The following ZNF195 variants were observed in gnomAD, a reference collection of about 807,000 sequenced individuals.
The protein encoded by ZNF195 is hypoxia-regulated factor-1.
Under a neutral mutation model 19.5 loss-of-function variants are expected in ZNF195, and 11 were observed. The ratio of observed to expected loss-of-function variants is 0.57; its 90% CI spans 0.36 to 0.94. The LOEUF is 0.94. Among genes scored for constraint, ZNF195 ranks in the 40% least tolerant of loss-of-function variants. ZNF195 has a pLI of 0.01. For synonymous variants in ZNF195, 214 were observed against 248.1 expected, an observed-to-expected ratio of 0.86 and a Z score of 1.29; for missense variants, 582 against 709.0, an observed-to-expected ratio of 0.82 and a Z score of 2.03.
Position 3,370,722 on chromosome 11 carries a change from C to T in ZNF195, c.226+253G>A, listed in dbSNP as rs115666983. On this transcript the variant is annotated intron_variant, in intron 3 of 5. Transcript: ENST00000399602. ...CCATGAGACCACACAGGCCCTTACTCGTCAGGAGGAGGACTCTGATTTTTA... is the reference window on the plus strand; with the variant it reads ...CCATGAGACCACACAGGCCCTTACTTGTCAGGAGGAGGACTCTGATTTTTA... Among the ~76,000 whole-genome samples, 395 of 152,312 alleles carry T rather than the reference C, an allele frequency of 2.6e-3. 2 individuals carry two copies. The highest frequency in any genetic ancestry group is 8.9e-3 in the African/African-American group (369 of 41,556).
At chr11:3,374,520 A>T (rs981711990) in intron 1 of ZNF195, among the ~76,000 whole-genome samples, 1 of 152,242 alleles carries the variant, frequency 6.6e-6, no homozygotes, top group Admixed American at 6.5e-5. Flanking sequence ...TTTGGAAAAC[A>T]ATGTGTACAC....
At position 3,360,016 on chromosome 11, in the gene ZNF195, T is replaced by C. The variant is rs776095965; in HGVS notation, c.992A>G (p.Glu331Gly). ...GCACTGGTTAAATACTTTGCCAAAT[T>C]CTTCACATCTGTAATGTTCCCCTCC... ...YAGGEHYRCEEFGKVFNQCSH... is the reference protein window; with the variant it reads ...YAGGEHYRCEGFGKVFNQCSH... Residue 331 changes from glutamate to glycine, a missense_variant, in exon 6 of 6, where the codon GAA (glutamate) becomes GGA (glycine). Glu to Gly is a moderately conservative substitution (Grantham distance 98). Transcript: ENST00000399602. 6.2e-7 allele frequency: 1 copy of C among 1,614,064 alleles called. No homozygotes were observed. The highest frequency in any genetic ancestry group is 1.1e-5 in the South Asian group (1 of 91,080).
intron 1 of ZNF195, among the ~76,000 whole-genome samples, chr11:3,374,921 A>G (rs1849383706): frequency 6.6e-6 from 1 of 152,234 alleles, no homozygotes; most frequent in Non-Finnish European, 1.5e-5. Flanking sequence ...GTGTTAGTAA[A>G]AAAGAAAAAT....
intron 1 of ZNF195, chr11:3,377,729 C>T: frequency 9.2e-7 from 1 of 1,091,158 alleles, no homozygotes; most frequent in South Asian, 2.4e-5. Context: ...TAACCCAGGG[C>T]CTGAAATTCA....
chr11:3,367,933 C>T (rs956384855), intron 3 of ZNF195, among the ~76,000 whole-genome samples: 6 of 151,820 alleles, frequency 4.0e-5, no homozygotes, highest in Non-Finnish European at 7.4e-5. Flanking sequence ...ATTAGCCAGG[C>T]GTGGTGGTGC....
At chr11:3,366,105 A>C (rs1232693267) in intron 3 of ZNF195, among the ~76,000 whole-genome samples, 1 of 150,888 alleles carries the variant, frequency 6.6e-6, no homozygotes, top group Admixed American at 6.6e-5. Context: ...AAAAAAAAAA[A>C]TACAAAAAAT....
intron 4 of ZNF195, 83 bp downstream of exon 4, chr11:3,361,660 T>C (rs1324169956): frequency 8.5e-7 from 1 of 1,181,100 alleles, no homozygotes; most frequent in Non-Finnish European, 1.1e-6. Flanking sequence ...AGACACATTA[T>C]AACCACAGTT....
Position 3,358,933 on chromosome 11 carries a change from A to C in ZNF195, c.*185T>G. On this transcript the variant is annotated 3_prime_UTR_variant, in exon 6 of 6. Coordinates refer to ENST00000399602, the MANE Select transcript of ZNF195 (RefSeq NM_001130520.3). ...AGCAACTGATGCAAGTCTTCCATCT[A>C]GTATAATTGTAACATTTTTTTCAGA... is the stretch of plus-strand genomic sequence containing the variant. The C allele has an allele frequency of 1.3e-6, 1 of 758,630 alleles. No homozygotes were observed. The allele number at this position is 758,630 out of a possible 1,614,324, so 47.0% of individuals were successfully genotyped here. A position where few individuals can be genotyped will look rare whatever the true frequency, so the allele number is the denominator to read the frequency against.
At chr11:3,376,095 G>GCAA (rs1163163151) in intron 1 of ZNF195, among the ~76,000 whole-genome samples, 109 of 152,240 alleles carry the variant, frequency 7.2e-4, no homozygotes, top group Non-Finnish European at 1.2e-3. Flanking sequence ...TCCATACCCA[G>GCAA]GAAGTCCTCC....
In ZNF195 at chr11:3,360,503, T is replaced by C. The variant is rs771552346; in HGVS notation, c.505A>G (p.Lys169Glu). Residue 169 changes from lysine (K) to glutamate (E), a missense_variant, in exon 6 of 6, where the codon AAA (lysine) becomes GAA (glutamate). Physicochemically the swap from Lys to Glu is moderately conservative, Grantham distance 56 (BLOSUM62 1). Around this residue, in one of 3 missense-constraint regions of ZNF195, gnomAD observed 129 missense variants for 112.1 expected, o/e 1.15. Transcript: ENST00000399602. ...TTTCCATATCCTCTCAGTATTCTTT[T>C]TGGGAATGCATCTTGTATGCCCTGC... ...PEQGIQDAFP[K>E]RILRGYGNCG... 6.2e-6 allele frequency: 10 copies of C among 1,609,216 alleles called. No individual in the cohort carries two copies. The Admixed American group carries it at 1.3e-4, about 22-fold the overall frequency.
rs62619253 is a variant in ZNF195, at chr11:3,360,139, G to C, written c.869C>G (p.Pro290Arg). 0.14 allele frequency: 227,611 copies of C among 1,613,722 alleles called. 19,811 individuals are homozygous for C. The highest frequency in any genetic ancestry group is 0.46 in the East Asian group (20,430 of 44,846). The change falls in exon 6 of 6, where the codon CCT becomes CGT. Residue 290 changes from proline (P) to arginine (R), a missense_variant. Coordinates refer to ENST00000399602, the MANE Select transcript of ZNF195 (RefSeq NM_001130520.3). ...TTTCTCTCCAGTGTCAATGTTCTCA[G>C]GTTCAGTAAAGTGTGAGCACTGGAT... ...TFIQCSHFTE[P>R]ENIDTGEKPY...
At chr11:3,376,749 A>T (rs1330867399) in intron 1 of ZNF195, among the ~76,000 whole-genome samples, 1 of 152,246 alleles carries the variant, frequency 6.6e-6, no homozygotes, top group Non-Finnish European at 1.5e-5. Context: ...TCACATGTGA[A>T]CACTTTTAGA....
rs776158075 is a variant in ZNF195, at chr11:3,359,353, C to T, written c.1655G>A (p.Cys552Tyr). 5 of 1,614,018 alleles carry T rather than the reference C, an allele frequency of 3.1e-6. No homozygotes were observed. The South Asian group carries it at 5.5e-5, about 18-fold the overall frequency. Reference protein sequence around the residue: ...RIHTGEKPYKCEECGRVFMWF... With the variant: ...RIHTGEKPYKYEECGRVFMWF... ...CATGAAGACTCTGCCACATTCTTCA[C>T]ACTTGTAGGGTTTCTCTCCAGTATG... Residue 552 changes from cysteine (C) to tyrosine (Y), a missense_variant, in exon 6 of 6, where the codon TGT becomes TAT. By Grantham distance (194) the Cys-to-Tyr change is radical. Around this residue, in one of 3 missense-constraint regions of ZNF195, gnomAD observed 407 missense variants for 530.5 expected, o/e 0.77. Coordinates refer to ENST00000399602, the MANE Select transcript of ZNF195 (RefSeq NM_001130520.3). The surrounding 1 kb of genome is among the most constrained non-coding windows in gnomAD (Gnocchi z 5.5).
chr11:3,359,907 T>A lies in ZNF195; in HGVS notation c.1101A>T (p.Ser367=). 1 of 1,614,230 alleles carries A rather than the reference T, an allele frequency of 6.2e-7. No homozygotes were observed. Among genetic ancestry groups the A allele is most frequent in the Non-Finnish European group, 8.5e-7 (1 of 1,180,044 alleles). ...GAATCATCTGTTGATTAGAAAGGCT[T>A]GAGCAAGAGATAAAGACACTGCTGC... ...EECSSVFISC[S]SLSNQQMILA... The change falls in exon 6 of 6, where the codon TCA becomes TCT. Residue 367 remains serine (S), a synonymous_variant. Coordinates refer to ENST00000399602, the MANE Select transcript of ZNF195 (RefSeq NM_001130520.3). This position sits in a 1 kb window ranked among gnomAD's most constrained non-coding sequence, Gnocchi z 5.5.
intron 3 of ZNF195, chr11:3,366,721 C>T (rs552602333): frequency 3.6e-5 from 8 of 219,534 alleles, no homozygotes; most frequent in Non-Finnish European, 4.8e-5. Flanking sequence ...TTGAAAACCA[C>T]GTAACCTGCT....
At chr11:3,363,205 A>G (rs1002313399) in intron 3 of ZNF195, 2 of 152,218 alleles carry the variant, frequency 1.3e-5, no homozygotes, top group African/African-American at 2.4e-5. Context: ...CAGCAATATA[A>G]TATTGGCATA....
chr11:3,378,974 GC>G, intron 1 of ZNF195, 63 bp downstream of exon 1: 1 of 1,359,128 alleles, frequency 7.4e-7, no homozygotes, highest in Non-Finnish European at 9.6e-7. Flanking sequence ...TTCCTCCCGA[GC>G]CGGTACCGCG....
At position 3,360,425 on chromosome 11, in the gene ZNF195, A is replaced by G; in HGVS notation, c.583T>C (p.Cys195Arg). ...CCATTATAATCTTTTTGCAACTTAC[A>G]CTCATCTAAACTTTCCCAGTCTTTC... ...LRKDWESLDE[C>R]KLQKDYNGLN... The change falls in exon 6 of 6, where the codon TGT (cysteine) becomes CGT (arginine). Residue 195 changes from cysteine (C) to arginine (R), a missense_variant. This residue lies in a region of ZNF195 where 407 missense variants were observed against 530.5 expected (regional missense o/e 0.77). Coordinates refer to ENST00000399602, the MANE Select transcript of ZNF195 (RefSeq NM_001130520.3). 1.2e-6 allele frequency: 2 copies of G among 1,612,762 alleles called. No homozygotes were observed. The highest frequency in any genetic ancestry group is 1.1e-5 in the South Asian group (1 of 90,896).
chr11:3,368,973 T>C (rs991169655), intron 3 of ZNF195: 3 of 372,248 alleles, frequency 8.1e-6, no homozygotes, highest in African/African-American at 6.3e-5. Flanking sequence ...TTAAAAACTC[T>C]GAGAGAAAAC....
Sources: gnomAD v4.1 joint callset for allele counts (sites outside exome capture counted in the v4.1 genomes callset) on GRCh38, gnomAD v4.1.1 for gene constraint, gnomAD v4.1.1 regional missense constraint, Gnocchi (gnomAD v3.1) non-coding constraint, MANE v1.5 for transcripts, NCBI Gene and HGNC (gene_info 2026-07-23, HGNC 2026-07-21) for gene names.